CD1E: variants seen among roughly 807,000 people sequenced by gnomAD.
The protein encoded by CD1E is T-cell surface glycoprotein CD1e, membrane-associated.
A neutral mutation model predicts 40.1 loss-of-function variants in CD1E; 49 were observed. That is an observed-to-expected ratio of 1.22 (90% CI 0.97 to 1.55). The LOEUF (loss-of-function observed/expected upper bound fraction) is 1.55, where lower values mean the gene tolerates loss of function less well. CD1E is among the 40% of genes most tolerant of loss of function. The probability of loss-of-function intolerance (pLI) is 0.00; values close to 1 mark genes in which losing one functional copy is unlikely to be tolerated. For synonymous variants in CD1E, 189 were observed against 178.3 expected (o/e 1.06, Z -0.48); for missense variants, 492 against 471.3 (o/e 1.04, Z -0.41).
chr1:158,356,711 C>T lies in CD1E; in HGVS notation c.999-17C>T. 3 of 1,608,902 alleles carry T rather than the reference C, an allele frequency of 1.9e-6. No individual in the cohort carries two copies. Among genetic ancestry groups the T allele is most frequent in the South Asian group, 1.1e-5 (1 of 90,670 alleles). ...ATTTCCTTTCTTTGAGATTAATATC[C>T]TCCTCTTTTCCCACAGTTCAAATAA... is the stretch of plus-strand genomic sequence containing the variant. On this transcript the variant is annotated splice_polypyrimidine_tract_variant and intron_variant, in intron 5 of 5. Coordinates refer to ENST00000368167, the MANE Select transcript of CD1E (RefSeq NM_030893.4).
chr1:158,354,073 C>T (rs71632610), intron 1 of CD1E, 27 bp downstream of exon 1: 45,979 of 1,600,064 alleles, frequency 0.029, 860 homozygotes, highest in Non-Finnish European at 0.032. Context: ...TGGAAAGATA[C>T]CTATGGTAGG....
chr1:158,356,830 A>G lies in CD1E; in HGVS notation c.1101A>G (p.Ala367=). The G allele has an allele frequency of 6.2e-7, 1 of 1,614,064 alleles. No homozygotes were observed. The highest frequency in any genetic ancestry group is 8.5e-7 in the Non-Finnish European group (1 of 1,179,978). ...ATTCAAGACATCAGTTCTGCTTGGCACAAGTATCGTGGATCAAAAACAGAG... is the reference window on the plus strand; with the variant it reads ...ATTCAAGACATCAGTTCTGCTTGGCGCAAGTATCGTGGATCAAAAACAGAG... ...TKNSRHQFCL[A]QVSWIKNRVL... Residue 367 remains alanine, a synonymous_variant, in exon 6 of 6, where the codon GCA becomes GCG. Coordinates refer to ENST00000368167, the MANE Select transcript of CD1E (RefSeq NM_030893.4).
rs1653766464 is a variant in CD1E, at chr1:158,356,803, G to T, written c.1074G>T (p.Lys358Asn). The T allele has an allele frequency of 4.3e-6, 7 of 1,613,696 alleles. No individual in the cohort carries two copies. In the South Asian group the frequency reaches 6.6e-5, roughly 15 times the overall value. Residue 358 changes from lysine to asparagine, a missense_variant, in exon 6 of 6, where the codon AAG becomes AAT. Coordinates refer to ENST00000368167, the MANE Select transcript of CD1E (RefSeq NM_030893.4). ...TGGGAGCCAACACTCAGGACACCAA[G>T]AATTCAAGACATCAGTTCTGCTTGG... is the stretch of plus-strand genomic sequence containing the variant. ...FLMGANTQDTKNSRHQFCLAQ... is the reference protein window; with the variant it reads ...FLMGANTQDTNNSRHQFCLAQ...
Position 158,353,945 on chromosome 1 carries a change from G to A in CD1E, c.-44G>A, listed in dbSNP as rs1424465116. The A allele has an allele frequency of 6.8e-7, 1 of 1,471,310 alleles. No homozygotes were observed. Among genetic ancestry groups the A allele is most frequent in the Non-Finnish European group, 9.5e-7 (1 of 1,050,014 alleles). The allele number at this position is 1,471,310 out of a possible 1,614,324, so 91.1% of individuals were successfully genotyped here. A position where few individuals can be genotyped will look rare whatever the true frequency, so the allele number is the denominator to read the frequency against. On this transcript the variant is annotated 5_prime_UTR_variant, in exon 1 of 6. Transcript: ENST00000368167. Reference sequence around the variant, plus strand: ...AGGGGTACTGATATCTGAATTATTAGGGCAGGTGTCCTGCCAAGGAATCCC... The same window carrying A: ...AGGGGTACTGATATCTGAATTATTAAGGCAGGTGTCCTGCCAAGGAATCCC...
Position 158,356,035 on chromosome 1 carries a change from G to A in CD1E, c.834G>A (p.Gly278=), listed in dbSNP as rs775859149. The A allele has an allele frequency of 8.7e-6, 14 of 1,613,990 alleles. No individual in the cohort carries two copies. Among genetic ancestry groups the A allele is most frequent in the East Asian group, 2.2e-5 (1 of 44,866 alleles). ...GAGCAACCCTGGATGTGGCGGCTGG[G>A]GAGGCAGCTGGCCTGTCCTGTCGGG... ...YLRATLDVAA[G]EAAGLSCRVK... is the part of the protein sequence containing the mutation. The change falls in exon 4 of 6, where the codon GGG becomes GGA. Residue 278 remains glycine, a synonymous_variant. Transcript: ENST00000368167.
chr1:158,354,106 C>A, intron 1 of CD1E, 60 bp downstream of exon 1: 2 of 1,452,518 alleles, frequency 1.4e-6, no homozygotes, highest in Non-Finnish European at 1.9e-6. Context: ...TGAGAGGAAG[C>A]TCTGGGGAGG....
Position 158,356,735 on chromosome 1 carries a change from A to C in CD1E, c.1006A>C (p.Lys336Gln), listed in dbSNP as rs200793877. Residue 336 changes from lysine (K) to glutamine (Q), a missense_variant, in exon 6 of 6, where the codon AAG becomes CAG. By Grantham distance (53) the Lys-to-Gln change is moderately conservative. Transcript: ENST00000368167. ...DSRLKKQSSN[K>Q]NILSPHTPSP... Reference sequence around the variant, plus strand: ...CCTCCTCTTTTCCCACAGTTCAAATAAGAACATTCTTTCTCCCCACACACC... The same window carrying C: ...CCTCCTCTTTTCCCACAGTTCAAATCAGAACATTCTTTCTCCCCACACACC... 40 of 1,613,600 alleles carry C rather than the reference A, an allele frequency of 2.5e-5. No individual in the cohort carries two copies. In the Admixed American group the frequency reaches 4.5e-4, roughly 18 times the overall value.
Position 158,356,075 on chromosome 1 carries a change from C to T in CD1E, c.874C>T (p.Leu292=). ...GLSCRVKHSS[L]GGHDLIIHWG... is the part of the protein sequence containing the mutation. ...GTCCTGTCGGGTGAAACACAGCAGTCTAGGGGGCCATGATCTAATCATCCA... is the reference window on the plus strand; with the variant it reads ...GTCCTGTCGGGTGAAACACAGCAGTTTAGGGGGCCATGATCTAATCATCCA... Residue 292 remains leucine, a synonymous_variant, in exon 4 of 6, where the codon CTA becomes TTA. Coordinates refer to ENST00000368167, the MANE Select transcript of CD1E (RefSeq NM_030893.4). The T allele has an allele frequency of 6.2e-7, 1 of 1,613,804 alleles. No individual in the cohort carries two copies. The highest frequency in any genetic ancestry group is 8.5e-7 in the Non-Finnish European group (1 of 1,179,858).
intron 1 of CD1E, 100 bp downstream of exon 1, chr1:158,354,146 G>A: frequency 9.4e-7 from 1 of 1,065,506 alleles, no homozygotes; most frequent in Non-Finnish European, 1.4e-6. Flanking sequence ...TACTCTTCTA[G>A]GATGCCCTTG....
At position 158,356,590 on chromosome 1, in the gene CD1E, A is replaced by G; in HGVS notation, c.997A>G (p.Ser333Gly). 5 of 1,611,798 alleles carry G rather than the reference A, an allele frequency of 3.1e-6. No individual in the cohort carries two copies. Among genetic ancestry groups the G allele is most frequent in the Non-Finnish European group, 4.2e-6 (5 of 1,178,220 alleles). Residue 333 changes from serine to glycine, a missense_variant and splice_region_variant, in exon 5 of 6, where the codon AGT becomes GGT. By Grantham distance (56) the Ser-to-Gly change is moderately conservative. Coordinates refer to ENST00000368167, the MANE Select transcript of CD1E (RefSeq NM_030893.4). ...VVVDSRLKKQ[S>G]SNKNILSPHT... The stretch of plus-strand genomic sequence containing the variant: ...AGTTGACTCACGGTTAAAAAAACAG[A>G]GGTGAGCTTTTTCTTGTTCTTTGTT...
At chr1:158,354,296 C>T in intron 1 of CD1E, 81 bp from the exon 2 acceptor site, 1 of 1,335,720 alleles carries the variant, frequency 7.5e-7, no homozygotes, top group Non-Finnish European at 1.0e-6. Flanking sequence ...TGTCTCTCAT[C>T]TCTGGGTTCC....
chr1:158,357,436 C>A lies in CD1E; in HGVS notation c.*540C>A, dbSNP rs1653839231. On this transcript the variant is annotated 3_prime_UTR_variant, in exon 6 of 6. Coordinates refer to ENST00000368167, the MANE Select transcript of CD1E (RefSeq NM_030893.4). The stretch of plus-strand genomic sequence containing the variant: ...TCATCTTGGAATCCTTAGTCATTTT[C>A]AAACAAGAGATATTGTATTTTCATT... 1 of 152,236 alleles carries A rather than the reference C, an allele frequency of 6.6e-6. No homozygotes were observed. Among genetic ancestry groups the A allele is most frequent in the Non-Finnish European group, 1.5e-5 (1 of 68,066 alleles). The allele number at this position is 152,236 out of a possible 1,614,324, so 9.4% of individuals were successfully genotyped here.
chr1:158,354,897 T>C (rs1007291951), intron 2 of CD1E, among the ~76,000 whole-genome samples: 6 of 152,192 alleles, frequency 3.9e-5, no homozygotes, highest in Non-Finnish European at 2.9e-5. Flanking sequence ...TAGCTTCATG[T>C]CTGGCTCTTT....
At position 158,355,305 on chromosome 1, in the gene CD1E, T is replaced by C. The variant is rs1653480983; in HGVS notation, c.361T>C (p.Phe121Leu). Reference protein sequence around the residue: ...SAGQFQLEYPFEIQILAGCRM... With the variant: ...SAGQFQLEYPLEIQILAGCRM... ...TCTTCCCTGTCCACTCTCAGACCCC[T>C]TCGAGATCCAGATATTAGCTGGCTG... Residue 121 changes from phenylalanine (F) to leucine (L), a missense_variant, in exon 3 of 6, where the codon TTC becomes CTC. Phe to Leu is a conservative substitution (Grantham distance 22, BLOSUM62 0). Coordinates refer to ENST00000368167, the MANE Select transcript of CD1E (RefSeq NM_030893.4). 1 of 1,613,682 alleles carries C rather than the reference T, an allele frequency of 6.2e-7. No homozygotes were observed. The highest frequency in any genetic ancestry group is 1.3e-5 in the African/African-American group (1 of 74,904).
chr1:158,356,195 G>A (rs975322182), intron 4 of CD1E, 90 bp downstream of exon 4: 1 of 1,417,380 alleles, frequency 7.1e-7, no homozygotes, highest in Non-Finnish European at 9.7e-7. Flanking sequence ...AGGAATGCTA[G>A]GTACAAGAAG....
rs185109393 is a variant in CD1E, at chr1:158,355,701, C to G, written c.626-126C>G. The G allele has an allele frequency of 3.0e-5, 42 of 1,421,274 alleles. No homozygotes were observed. In the Admixed American group the frequency reaches 7.9e-4, roughly 27 times the overall value. The allele number at this position is 1,421,274 out of a possible 1,614,324, so 88.0% of individuals were successfully genotyped here. ...GAGATGTGTGGGTTCAGGACTGTTT[C>G]TTAGACAAGAGAAAGAAGTGATTAC... On this transcript the variant is annotated intron_variant, in intron 3 of 5. Coordinates refer to ENST00000368167, the MANE Select transcript of CD1E (RefSeq NM_030893.4).
At chr1:158,355,629 T>A in intron 3 of CD1E, 60 bp downstream of exon 3, 1 of 1,540,600 alleles carries the variant, frequency 6.5e-7, no homozygotes, top group South Asian at 1.2e-5. Flanking sequence ...ATATTTGAAT[T>A]TGCCTCTCAT....
In CD1E at chr1:158,355,867, C is replaced by T. The variant is rs762882685; in HGVS notation, c.666C>T (p.Gly222=). The T allele has an allele frequency of 1.2e-6, 2 of 1,613,996 alleles. No individual in the cohort carries two copies. Among genetic ancestry groups the T allele is most frequent in the Non-Finnish European group, 1.7e-6 (2 of 1,180,010 alleles). The stretch of plus-strand genomic sequence containing the variant: ...GGCTGTCCTGTGGCCCCAGTCCTGG[C>T]CCTGGCCGTCTGCAGCTTGTGTGCC... ...EAWLSCGPSP[G]PGRLQLVCHV... The change falls in exon 4 of 6, where the codon GGC becomes GGT. Residue 222 remains glycine (G), a synonymous_variant. Transcript: ENST00000368167.
In CD1E at chr1:158,356,164, T is replaced by G. The variant is rs752547989; in HGVS notation, c.904+59T>G. 6.9e-6 allele frequency: 11 copies of G among 1,584,782 alleles called. No individual in the cohort carries two copies. The South Asian group carries it at 8.1e-5, about 12-fold the overall frequency. ...TGAAAATAGCCCTGGGGCTTTTGAG[T>G]GTGGGGCTGAGGAAATGGGTAGGAA... On this transcript the variant is annotated intron_variant, in intron 4 of 5. Transcript: ENST00000368167.
Sources: gnomAD v4.1 joint callset for allele counts (sites outside exome capture counted in the v4.1 genomes callset) on GRCh38, gnomAD v4.1.1 for gene constraint, MANE v1.5 for transcripts, NCBI Gene and HGNC (gene_info 2026-07-23, HGNC 2026-07-21) for gene names.